The following HELZ variants were observed in gnomAD, a reference collection of about 807,000 sequenced individuals.
HELZ encodes helicase with zinc finger.
A neutral mutation model predicts 218.2 loss-of-function variants in HELZ; 23 were observed. That is an observed-to-expected ratio of 0.11 (90% CI 0.08 to 0.15). The LOEUF (loss-of-function observed/expected upper bound fraction) is 0.15, where lower values mean the gene tolerates loss of function less well. Ranked by LOEUF, HELZ falls within the 10% of genes least tolerant of loss-of-function variation. The pLI is 1.00. For missense variants in HELZ, 1,813 were observed against 2,353.7 expected (o/e 0.77, Z 4.75); for synonymous variants, 814 against 829.4 (o/e 0.98, Z 0.32).
intron 28 of HELZ, among the ~76,000 whole-genome samples, chr17:67,111,906 T>C (rs575182140): frequency 6.6e-6 from 1 of 152,342 alleles, no homozygotes; most frequent in African/African-American, 2.4e-5. Flanking sequence ...ATGCATAGTT[T>C]GGTCACATGA....
chr17:67,096,620 T>C (rs2036757688), intron 31 of HELZ, among the ~76,000 whole-genome samples: 1 of 152,268 alleles, frequency 6.6e-6, no homozygotes, highest in Non-Finnish European at 1.5e-5. Flanking sequence ...TTAAACCTCA[T>C]GAACCAACCT....
chr17:67,166,269 A>G (rs915656419), intron 15 of HELZ, among the ~76,000 whole-genome samples: 1 of 152,220 alleles, frequency 6.6e-6, no homozygotes, highest in Non-Finnish European at 1.5e-5. Context: ...CTGTTGAGAA[A>G]AGCAGTAGAA....
intron 17 of HELZ, among the ~76,000 whole-genome samples, chr17:67,157,695 A>C (rs1457076945): frequency 6.6e-6 from 1 of 152,234 alleles, no homozygotes. Flanking sequence ...GGTAATATAT[A>C]ATTTTAATTC....
At chr17:67,210,346 C>A (rs1329573452) in intron 5 of HELZ, among the ~76,000 whole-genome samples, 3 of 152,208 alleles carry the variant, frequency 2.0e-5, no homozygotes, top group Non-Finnish European at 4.4e-5. Flanking sequence ...AAGTCAGCCT[C>A]TTTAACAGGG....
At chr17:67,211,984 G>A (rs180875031) in intron 5 of HELZ, among the ~76,000 whole-genome samples, 1 of 152,280 alleles carries the variant, frequency 6.6e-6, no homozygotes, top group Admixed American at 6.5e-5. Flanking sequence ...GAAGCTGCAA[G>A]TGGAGAGGAG....
rs538292510 is a variant in HELZ, at chr17:67,176,939, C to T, written c.1430+1720G>A. ...CTCTCATACTGGCTTTGAAAGCCTT[C>T]GCAAGGTACTCATAGAGTGCACTTT... On this transcript the variant is annotated intron_variant, in intron 13 of 32. Coordinates refer to ENST00000358691, the MANE Select transcript of HELZ (RefSeq NM_014877.4). Among the ~76,000 whole-genome samples, 231 of 151,782 alleles carry T rather than the reference C, an allele frequency of 1.5e-3. 3 individuals are homozygous for T. Among genetic ancestry groups the T allele is most frequent in the African/African-American group, 5.2e-3 (214 of 41,372 alleles).
chr17:67,095,575 T>A (rs1409753500), intron 31 of HELZ, among the ~76,000 whole-genome samples: 2 of 152,114 alleles, frequency 1.3e-5, no homozygotes, highest in Admixed American at 1.3e-4. Flanking sequence ...AAATTCCTCA[T>A]CTACCCAAGT....
intron 32 of HELZ, among the ~76,000 whole-genome samples, chr17:67,085,398 G>A (rs1393061519): frequency 6.6e-6 from 1 of 152,036 alleles, no homozygotes; most frequent in East Asian, 1.9e-4. Flanking sequence ...CTCCAGTCTG[G>A]GTGACAGAGC....
chr17:67,113,199 G>A (rs540572244), intron 28 of HELZ, among the ~76,000 whole-genome samples: 10 of 152,196 alleles, frequency 6.6e-5, no homozygotes, highest in Admixed American at 5.2e-4. Context: ...ACGAACAGCT[G>A]GAAAGAATCC....
intron 18 of HELZ, among the ~76,000 whole-genome samples, chr17:67,150,519 AGT>A (rs1257931732): frequency 6.6e-6 from 1 of 152,154 alleles, no homozygotes; most frequent in Non-Finnish European, 1.5e-5. Context: ...ACATAACACT[AGT>A]TTGATTTTAC....
At chr17:67,124,100 A>C in intron 24 of HELZ, 86 bp from the exon 25 acceptor site, 1 of 841,884 alleles carries the variant, frequency 1.2e-6, no homozygotes. Flanking sequence ...TATGTAAATT[A>C]ATGTACACAT....
At chr17:67,101,539 C>G (rs1411245533) in intron 31 of HELZ, among the ~76,000 whole-genome samples, 1 of 152,186 alleles carries the variant, frequency 6.6e-6, no homozygotes, top group Non-Finnish European at 1.5e-5. Flanking sequence ...TGAAGAAATA[C>G]ATCTTACTCA....
intron 23 of HELZ, among the ~76,000 whole-genome samples, chr17:67,133,051 C>T (rs2038035428): frequency 6.6e-6 from 1 of 152,082 alleles, no homozygotes; most frequent in Admixed American, 6.6e-5. Flanking sequence ...GCTTAAATAT[C>T]CATATGCCCC....
At chr17:67,185,925 AACTT>A (rs1337823195) in intron 12 of HELZ, among the ~76,000 whole-genome samples, 2 of 152,188 alleles carry the variant, frequency 1.3e-5, no homozygotes, top group African/African-American at 2.4e-5. Flanking sequence ...TGAAATGTAA[AACTT>A]AATTTTCAAA....
intron 7 of HELZ, among the ~76,000 whole-genome samples, chr17:67,199,868 G>A (rs79978178): frequency 0.018 from 2,794 of 152,112 alleles, 75 homozygotes; most frequent in African/African-American, 0.063. Flanking sequence ...CTCACTCTCC[G>A]TGAGACAAGC....
chr17:67,168,095 C>T (rs529910660), intron 13 of HELZ, among the ~76,000 whole-genome samples: 77 of 152,170 alleles, frequency 5.1e-4, no homozygotes, highest in South Asian at 4.0e-3. Flanking sequence ...AATTCTCCTG[C>T]CTCAGCCTCC....
At position 67,083,518 on chromosome 17, in the gene HELZ, C is replaced by T. The variant is rs760784555; in HGVS notation, c.5494+3311G>A. Among the ~76,000 whole-genome samples the T allele has an allele frequency of 1.6e-3, 239 of 152,172 alleles. 1 individual carries two copies. Among genetic ancestry groups the T allele is most frequent in the Non-Finnish European group, 2.9e-3 (194 of 68,016 alleles). ...AGGCGGGCGCCTGTAATCCCAGCTA[C>T]TCAGGAGGCTGAGGCAGGATAATTG... On this transcript the variant is annotated intron_variant, in intron 32 of 32. Coordinates refer to ENST00000358691, the MANE Select transcript of HELZ (RefSeq NM_014877.4).
In HELZ at chr17:67,110,539, T is replaced by C. The variant is rs1598243137; in HGVS notation, c.3919-853A>G. Among the ~76,000 whole-genome samples the C allele has an allele frequency of 2.0e-5, 3 of 152,348 alleles. No homozygotes were observed. The East Asian group carries it at 5.8e-4, about 29-fold the overall frequency. On this transcript the variant is annotated intron_variant, in intron 28 of 32. Coordinates refer to ENST00000358691, the MANE Select transcript of HELZ (RefSeq NM_014877.4). ...CCATTACATATTGACATTCTTTCTTTAACATTTATTGTGGCCAAACAATAC... is the reference window on the plus strand; with the variant it reads ...CCATTACATATTGACATTCTTTCTTCAACATTTATTGTGGCCAAACAATAC...
At chr17:67,193,930 A>G (rs1189677071) in intron 9 of HELZ, 37 bp downstream of exon 9, 1 of 1,463,976 alleles carries the variant, frequency 6.8e-7, no homozygotes, top group Admixed American at 1.7e-5. Flanking sequence ...TTTCAACAAG[A>G]CATGTCATTG....
Sources: allele counts gnomAD v4.1 joint callset (sites outside exome capture counted in the v4.1 genomes callset), GRCh38; gene constraint gnomAD v4.1.1; transcripts MANE v1.5; gene names NCBI Gene and HGNC (gene_info 2026-07-23, HGNC 2026-07-21).